Variants in CEMIP observed in about 807,000 individuals in gnomAD.
The protein encoded by CEMIP is cell migration-inducing and hyaluronan-binding protein.
CEMIP carries 105 observed loss-of-function variants against 156.9 expected under a neutral mutation model. The ratio of observed to expected loss-of-function variants is 0.67; its 90% CI spans 0.57 to 0.79. The LOEUF is 0.79. CEMIP is among the 30% of genes least tolerant of loss of function. The probability of loss-of-function intolerance (pLI) is 0.00; values close to 1 mark genes in which losing one functional copy is unlikely to be tolerated. For missense variants in CEMIP, 1,457 were observed against 1,769.4 expected (o/e 0.82, Z 3.17); for synonymous variants, 676 against 668.4 (o/e 1.01, Z -0.17).
At chr15:80,868,533 T>C (rs1412240780) in intron 1 of CEMIP, among the ~76,000 whole-genome samples, 1 of 152,248 alleles carries the variant, frequency 6.6e-6, no homozygotes. Context: ...AGGTGCACGC[T>C]GAAGTTTGAG....
chr15:80,867,391 G>A (rs547916315), intron 1 of CEMIP, among the ~76,000 whole-genome samples: 1 of 152,360 alleles, frequency 6.6e-6, no homozygotes, highest in African/African-American at 2.4e-5. Flanking sequence ...AGGCTTTGGA[G>A]GGCCTCTGGG....
chr15:80,890,104 G>A (rs906343598), intron 10 of CEMIP, among the ~76,000 whole-genome samples: 8 of 152,188 alleles, frequency 5.3e-5, no homozygotes, highest in African/African-American at 1.9e-4. Context: ...TTCTCAGTTG[G>A]CTCCATCAAG....
At chr15:80,829,810 T>G (rs1429534513) in intron 1 of CEMIP, among the ~76,000 whole-genome samples, 1 of 152,146 alleles carries the variant, frequency 6.6e-6, no homozygotes, top group Non-Finnish European at 1.5e-5. Context: ...TAAGGAGTAT[T>G]GGGTTTTTAT....
intron 23 of CEMIP, among the ~76,000 whole-genome samples, chr15:80,934,920 G>A (rs988671871): frequency 6.6e-6 from 1 of 152,216 alleles, no homozygotes; most frequent in African/African-American, 2.4e-5. Context: ...AACCTCCAGA[G>A]AGCGATAAAG....
intron 1 of CEMIP, among the ~76,000 whole-genome samples, chr15:80,812,806 T>C (rs1896700868): frequency 6.6e-6 from 1 of 152,186 alleles, no homozygotes; most frequent in Admixed American, 6.5e-5. Flanking sequence ...GAGAAAACAC[T>C]GGAATGAAAG....
intron 1 of CEMIP, among the ~76,000 whole-genome samples, chr15:80,829,615 G>C (rs1307926188): frequency 6.6e-6 from 1 of 152,156 alleles, no homozygotes; most frequent in East Asian, 1.9e-4. Flanking sequence ...GTAATAAGCT[G>C]GTCTTCACCC....
chr15:80,944,948 G>C (rs1232523633), intron 28 of CEMIP, among the ~76,000 whole-genome samples: 1 of 152,184 alleles, frequency 6.6e-6, no homozygotes, highest in Admixed American at 6.5e-5. Context: ...TGGGCACCCA[G>C]GCAGGCATTG....
intron 1 of CEMIP, among the ~76,000 whole-genome samples, chr15:80,866,157 T>G (rs1320083622): frequency 6.6e-6 from 1 of 152,204 alleles, no homozygotes; most frequent in Non-Finnish European, 1.5e-5. Flanking sequence ...GGATTCACTC[T>G]GCCATGCTTG....
chr15:80,837,765 G>A (rs1897298574), intron 1 of CEMIP, among the ~76,000 whole-genome samples: 1 of 152,216 alleles, frequency 6.6e-6, no homozygotes, highest in Admixed American at 6.5e-5. Context: ...CATTCAAGAT[G>A]CCAGCTGTTG....
chr15:80,913,832 G>A (rs922128682), intron 14 of CEMIP, among the ~76,000 whole-genome samples: 3 of 152,174 alleles, frequency 2.0e-5, no homozygotes, highest in African/African-American at 7.2e-5. Flanking sequence ...TCCCTGTTTT[G>A]GAAATTCACG....
At chr15:80,852,211 A>G (rs567944941) in intron 1 of CEMIP, among the ~76,000 whole-genome samples, 21 of 152,354 alleles carry the variant, frequency 1.4e-4, no homozygotes, top group Middle Eastern at 3.4e-3. Flanking sequence ...ACCCTGGAAC[A>G]GAAGTACCAC....
chr15:80,836,688 C>T (rs757540120), intron 1 of CEMIP, among the ~76,000 whole-genome samples: 2 of 152,162 alleles, frequency 1.3e-5, no homozygotes, highest in Non-Finnish European at 2.9e-5. Flanking sequence ...GCCAGCCTTA[C>T]CCTCTACCTC....
At chr15:80,895,780 A>G in intron 11 of CEMIP, 89 bp from the exon 12 acceptor site, 1 of 1,198,202 alleles carries the variant, frequency 8.3e-7, no homozygotes, top group South Asian at 1.3e-5. Flanking sequence ...GCATTTAGTT[A>G]TTTAGGGAGG....
chr15:80,922,178 G>A lies in CEMIP; in HGVS notation c.2202+41G>A. ...CTGCGCCTCTCTGGCCAGCCTCTCG[G>A]TCCCCTTCCCAGGCCTGCAGATGAT... On this transcript the variant is annotated intron_variant, in intron 17 of 29. Coordinates refer to ENST00000394685, the MANE Select transcript of CEMIP (RefSeq NM_001293298.2). The A allele has an allele frequency of 2.5e-6, 4 of 1,613,060 alleles. No homozygotes were observed. The East Asian group carries it at 8.9e-5, about 36-fold the overall frequency.
chr15:80,796,904 A>C (rs1596094943), intron 1 of CEMIP, among the ~76,000 whole-genome samples: 2 of 152,266 alleles, frequency 1.3e-5, no homozygotes, highest in East Asian at 3.9e-4. Flanking sequence ...TTTGACTTGA[A>C]CCTTACAAAG....
intron 10 of CEMIP, among the ~76,000 whole-genome samples, chr15:80,890,424 C>T (rs866130616): frequency 1.6e-5 from 2 of 121,668 alleles, no homozygotes; most frequent in Admixed American, 1.7e-4. Flanking sequence ...ACTAAAAATA[C>T]AAAAAAAAAA....
chr15:80,847,454 G>A (rs1223655742), intron 1 of CEMIP, among the ~76,000 whole-genome samples: 2 of 152,184 alleles, frequency 1.3e-5, no homozygotes, highest in African/African-American at 4.8e-5. Context: ...AAGCTTCCGG[G>A]TTGGGGTGCA....
At position 80,900,588 on chromosome 15, in the gene CEMIP, GTGTGTGTGTGTGTGTGTGT is replaced by G. The variant is rs1596172517; in HGVS notation, c.1411+4529_1411+4547del. ...CACCAGAAAAGCCCCAGGTAGGGGTGTGTGTGTGTGTGTGTGTGTGTGTGTGTGTGTGTGTGTGTGTGTG... is the reference window on the plus strand; with the variant it reads ...CACCAGAAAAGCCCCAGGTAGGGGTGGTGTGTGTGTGTGTGTGTGTGTGTG... On this transcript the variant is annotated intron_variant, in intron 12 of 29. Coordinates refer to ENST00000394685, the MANE Select transcript of CEMIP (RefSeq NM_001293298.2). Among the ~76,000 whole-genome samples, 3 of 56,960 alleles carry G rather than the reference GTGTGTGTGTGTGTGTGTGT, an allele frequency of 5.3e-5. No homozygotes were observed. In the East Asian group the frequency reaches 1.3e-3, roughly 25 times the overall value. 37.4% of individuals were successfully genotyped at this position (56,960 alleles called of 152,430 possible).
At position 80,801,809 on chromosome 15, in the gene CEMIP, A is replaced by G. The variant is rs558372616; in HGVS notation, c.-176+22195A>G. Among the ~76,000 whole-genome samples the G allele has an allele frequency of 2.6e-5, 4 of 152,074 alleles. No individual in the cohort carries two copies. In the South Asian group the frequency reaches 8.3e-4, roughly 31 times the overall value. Reference sequence around the variant, plus strand: ...ATTGCAAACTGAAAATATTTGAAATATGTTTGCATCTGCACTGAACATGTA... The same window carrying G: ...ATTGCAAACTGAAAATATTTGAAATGTGTTTGCATCTGCACTGAACATGTA... On this transcript the variant is annotated intron_variant, in intron 1 of 29. Coordinates refer to ENST00000394685, the MANE Select transcript of CEMIP (RefSeq NM_001293298.2).
Sources: gnomAD v4.1 joint callset for allele counts (sites outside exome capture counted in the v4.1 genomes callset) on GRCh38, gnomAD v4.1.1 for gene constraint, MANE v1.5 for transcripts, NCBI Gene and HGNC (gene_info 2026-07-23, HGNC 2026-07-21) for gene names.